Variants in ATP13A5 observed in about 807,000 individuals in gnomAD.
The protein encoded by ATP13A5 is probable cation-transporting ATPase 13A5.
A neutral mutation model predicts 150.2 loss-of-function variants in ATP13A5; 149 were observed. The ratio of observed to expected loss-of-function variants is 0.99; its 90% CI spans 0.87 to 1.14. The LOEUF (loss-of-function observed/expected upper bound fraction) is 1.14. Among genes scored for constraint, ATP13A5 ranks in the 50% most tolerant of loss-of-function variants. The pLI, the probability that ATP13A5 is intolerant of heterozygous loss-of-function variation, is 0.00. For missense variants in ATP13A5, 1,383 were observed against 1,449.3 expected, an observed-to-expected ratio of 0.95 and a Z score of 0.74; for synonymous variants, 497 against 522.2, an observed-to-expected ratio of 0.95 and a Z score of 0.66.
chr3:193,351,865 T>C (rs1712576621), intron 6 of ATP13A5, among the ~76,000 whole-genome samples: 1 of 152,204 alleles, frequency 6.6e-6, no homozygotes, highest in South Asian at 2.1e-4. Context: ...TCTGGTCGCA[T>C]GAGAATACCT....
At chr3:193,337,489 T>C (rs951804626) in intron 9 of ATP13A5, among the ~76,000 whole-genome samples, 2 of 152,240 alleles carry the variant, frequency 1.3e-5, no homozygotes, top group Non-Finnish European at 2.9e-5. Context: ...ATTTATTAAA[T>C]AGGGAATCTT....
intron 9 of ATP13A5, among the ~76,000 whole-genome samples, chr3:193,340,207 C>G (rs553011549): frequency 6.6e-6 from 1 of 152,314 alleles, no homozygotes; most frequent in East Asian, 1.9e-4. Flanking sequence ...CAAGATGCCT[C>G]TTCATGGTGA....
intron 15 of ATP13A5, 102 bp downstream of exon 15, chr3:193,322,389 T>A (rs1343907894): frequency 3.2e-6 from 3 of 943,148 alleles, no homozygotes; most frequent in Non-Finnish European, 5.0e-6. Context: ...GAAACTGTTA[T>A]GATAAGGCAA....
At chr3:193,346,432 T>C (rs980302848) in intron 7 of ATP13A5, among the ~76,000 whole-genome samples, 5 of 152,248 alleles carry the variant, frequency 3.3e-5, no homozygotes, top group East Asian at 3.9e-4. Context: ...AGACTGACTG[T>C]TGGGGCAACA....
At chr3:193,333,111 C>G (rs751656322) in intron 11 of ATP13A5, among the ~76,000 whole-genome samples, 27 of 151,520 alleles carry the variant, frequency 1.8e-4, no homozygotes, top group Non-Finnish European at 3.5e-4. Flanking sequence ...CTTTTCCCAC[C>G]AATATTCACT....
intron 25 of ATP13A5, among the ~76,000 whole-genome samples, chr3:193,296,218 GGA>G (rs1321230184): frequency 6.6e-5 from 10 of 152,062 alleles, no homozygotes; most frequent in Admixed American, 6.6e-4. Flanking sequence ...GAAGTCAGAG[GGA>G]GAGAGCACCA....
intron 25 of ATP13A5, among the ~76,000 whole-genome samples, chr3:193,291,377 G>A (rs1375358504): frequency 6.6e-6 from 1 of 152,140 alleles, no homozygotes; most frequent in Non-Finnish European, 1.5e-5. Flanking sequence ...GTGTAATAAA[G>A]AAGCTGGCTG....
intron 1 of ATP13A5, among the ~76,000 whole-genome samples, chr3:193,374,321 A>G (rs1713561617): frequency 7.0e-6 from 1 of 143,858 alleles, no homozygotes; most frequent in Non-Finnish European, 1.5e-5. Context: ...GAGAGGAAAG[A>G]TTCCATGGGT....
intron 9 of ATP13A5, among the ~76,000 whole-genome samples, chr3:193,336,678 A>G (rs1235549493): frequency 6.6e-6 from 1 of 152,202 alleles, no homozygotes; most frequent in Non-Finnish European, 1.5e-5. Flanking sequence ...GCTATTGTGA[A>G]TAGTGCCACA....
rs372925735 is a variant in ATP13A5 at position 193,344,035 on chromosome 3, G to A, written c.835C>T (p.Arg279Cys). Residue 279 changes from arginine to cysteine, a missense_variant, in exon 9 of 30, where the codon CGT becomes TGT. Arg to Cys is a radical substitution (Grantham distance 180). Transcript: ENST00000342358. The stretch of plus-strand genomic sequence containing the variant: ...AGAATGTCTCCGGGAACCAAGAGAC[G>A]GGATTCCAGCTCCTCCAAACCTACA... ...KDKGLEELES[R>C]LLVPGDILIL... is the part of the protein sequence containing the mutation. 95 of 1,613,080 alleles carry A rather than the reference G, an allele frequency of 5.9e-5. No individual in the cohort carries two copies. In the African/African-American group the frequency reaches 6.1e-4, roughly 10 times the overall value.
intron 14 of ATP13A5, among the ~76,000 whole-genome samples, 189 bp downstream of exon 14, chr3:193,324,675 G>A (rs958676867): frequency 8.5e-5 from 13 of 152,152 alleles, no homozygotes; most frequent in Admixed American, 1.3e-4. Context: ...AATAATGGAC[G>A]CCTATTTCAT....
chr3:193,374,681 A>C (rs1246335514), intron 1 of ATP13A5, among the ~76,000 whole-genome samples: 9 of 152,072 alleles, frequency 5.9e-5, no homozygotes, highest in Non-Finnish European at 1.2e-4. Context: ...ACACGCATAC[A>C]TAGTGCTATA....
intron 9 of ATP13A5, among the ~76,000 whole-genome samples, chr3:193,340,368 T>C (rs1358226338): frequency 1.3e-5 from 2 of 152,150 alleles, no homozygotes; most frequent in South Asian, 2.1e-4. Flanking sequence ...TGAGCTTTTA[T>C]TGAGTAAATG....
intron 12 of ATP13A5, 135 bp from the exon 13 acceptor site, chr3:193,327,192 T>G: frequency 1.3e-6 from 1 of 747,612 alleles, no homozygotes; most frequent in South Asian, 1.9e-5. Flanking sequence ...AGTACCAAAT[T>G]TTAAATCAGA....
At chr3:193,298,776 G>A (rs1337449540) in intron 25 of ATP13A5, among the ~76,000 whole-genome samples, 13 of 152,126 alleles carry the variant, frequency 8.5e-5, no homozygotes, top group African/African-American at 3.1e-4. Context: ...AAAAAATCTG[G>A]TTTCACGTCA....
chr3:193,324,137 C>T (rs1719386264), intron 14 of ATP13A5: 1 of 152,208 alleles, frequency 6.6e-6, no homozygotes, highest in South Asian at 2.1e-4. Flanking sequence ...TTTGTGATCA[C>T]ACAGCTGGAG....
chr3:193,277,225 C>G (rs13063816), intron 28 of ATP13A5, among the ~76,000 whole-genome samples: 57,563 of 151,618 alleles, frequency 0.38, 12,521 homozygotes, highest in Non-Finnish European at 0.48. Context: ...CAAATTCTAC[C>G]TGGAATTCAT....
At chr3:193,316,576 A>C (rs1187878174) in intron 17 of ATP13A5, among the ~76,000 whole-genome samples, 5 of 152,110 alleles carry the variant, frequency 3.3e-5, no homozygotes, top group African/African-American at 1.2e-4. Context: ...ATGACTAGTA[A>C]AGTTGAGCAC....
chr3:193,306,447 A>G (rs1224752523), intron 22 of ATP13A5, among the ~76,000 whole-genome samples: 1 of 152,214 alleles, frequency 6.6e-6, no homozygotes, highest in Non-Finnish European at 1.5e-5. Flanking sequence ...CAGACTAAAA[A>G]TTAGCTTTTT....
Sources: gnomAD v4.1 joint callset for allele counts (sites outside exome capture counted in the v4.1 genomes callset) on GRCh38, gnomAD v4.1.1 for gene constraint, MANE v1.5 for transcripts, NCBI Gene and HGNC (gene_info 2026-07-23, HGNC 2026-07-21) for gene names.